USH2A: variants seen among roughly 807,000 people sequenced by gnomAD.
USH2A encodes usherin.
A neutral mutation model predicts 538.9 loss-of-function variants in USH2A; 443 were observed. The ratio of observed to expected loss-of-function variants is 0.82; its 90% confidence interval spans 0.76 to 0.89. USH2A has a LOEUF of 0.89. USH2A is among the 40% of genes least tolerant of loss of function. USH2A has a pLI of 0.00. For missense variants in USH2A, 6,633 were observed against 6,324.8 expected (o/e 1.05, Z -1.65); for synonymous variants, 2,413 against 2,273.5 (o/e 1.06, Z -1.75).
intron 38 of USH2A, among the ~76,000 whole-genome samples, chr1:215,910,354 T>C (rs1174964541): frequency 6.6e-6 from 1 of 151,950 alleles, no homozygotes; most frequent in African/African-American, 2.4e-5. Context: ...GATCTGTGTA[T>C]TGGTTAAGAG....
intron 15 of USH2A, among the ~76,000 whole-genome samples, chr1:216,209,989 A>C (rs942313997): frequency 3.3e-5 from 5 of 152,164 alleles, no homozygotes; most frequent in African/African-American, 1.2e-4. Context: ...AGCCGGCCAT[A>C]AGGAAATTCT....
chr1:216,094,807 T>C (rs1438333455), intron 22 of USH2A, among the ~76,000 whole-genome samples: 1 of 152,194 alleles, frequency 6.6e-6, no homozygotes, highest in East Asian at 1.9e-4. Context: ...CTTGTGTTTA[T>C]AACCTGGCTT....
intron 29 of USH2A, among the ~76,000 whole-genome samples, chr1:216,071,445 T>C (rs2102547327): frequency 1.3e-5 from 2 of 152,248 alleles, no homozygotes; most frequent in Admixed American, 1.3e-4. Flanking sequence ...CAGGGCAAAG[T>C]ACAGTACAGT....
intron 21 of USH2A, among the ~76,000 whole-genome samples, chr1:216,104,594 G>A (rs2032685412): frequency 6.6e-6 from 1 of 152,106 alleles, no homozygotes; most frequent in Non-Finnish European, 1.5e-5. Context: ...TAAATAAATG[G>A]TGCTGGGAAA....
At chr1:215,777,991 T>C (rs1453327823) in intron 55 of USH2A, among the ~76,000 whole-genome samples, 1 of 151,914 alleles carries the variant, frequency 6.6e-6, no homozygotes, top group East Asian at 1.9e-4. Flanking sequence ...CCACTTCAAG[T>C]AAAATAAGAT....
intron 21 of USH2A, among the ~76,000 whole-genome samples, chr1:216,125,340 C>T (rs1017572872): frequency 7.2e-5 from 11 of 152,058 alleles, no homozygotes; most frequent in African/African-American, 2.4e-5. Context: ...ATCAGTGAAT[C>T]GCTATTAGCT....
In USH2A at chr1:215,782,133, C is replaced by T; in HGVS notation, c.10649G>A (p.Ser3550Asn). 1.2e-6 allele frequency: 2 copies of T among 1,613,942 alleles called. No homozygotes were observed. The highest frequency in any genetic ancestry group is 2.2e-5 in the South Asian group (2 of 91,074). ...TTGAATTCCCTCTTTATCAGAGAAG[C>T]TCAGTGATGTTCCCCGAAAACGTTC... is the stretch of plus-strand genomic sequence containing the variant. Reference protein sequence around the residue: ...GIERFRGTSLSFSDKEGIQPF... With the variant: ...GIERFRGTSLNFSDKEGIQPF... Residue 3550 changes from serine to asparagine, a missense_variant, in exon 54 of 72, where the codon AGC (serine) becomes AAC (asparagine). Transcript: ENST00000307340.
chr1:215,927,186 T>C (rs537988731), intron 38 of USH2A, among the ~76,000 whole-genome samples: 1 of 152,268 alleles, frequency 6.6e-6, no homozygotes, highest in Non-Finnish European at 1.5e-5. Flanking sequence ...TGAAAAACTT[T>C]CAGTGAGGAC....
chr1:215,846,533 T>G (rs4143466), intron 44 of USH2A, among the ~76,000 whole-genome samples: 14,445 of 152,188 alleles, frequency 0.095, 889 homozygotes, highest in East Asian at 0.26. Context: ...TTTTTAATAA[T>G]TTGCGTTTTT....
intron 47 of USH2A, among the ~76,000 whole-genome samples, chr1:215,835,910 T>C (rs1013868450): frequency 2.6e-5 from 4 of 152,186 alleles, no homozygotes; most frequent in Admixed American, 6.5e-5. Context: ...GTTCTTGTTG[T>C]ATAATACTCT....
chr1:215,902,578 T>A (rs1430188137), intron 38 of USH2A, among the ~76,000 whole-genome samples: 1 of 152,094 alleles, frequency 6.6e-6, no homozygotes, highest in African/African-American at 2.4e-5. Flanking sequence ...CAGGTGGCCA[T>A]AAGTGCTTTG....
intron 32 of USH2A, among the ~76,000 whole-genome samples, chr1:216,020,982 G>C (rs7412389): frequency 0.61 from 93,005 of 151,850 alleles, 28,836 homozygotes; most frequent in East Asian, 0.75. Context: ...TGTGGCTAAA[G>C]TGGGGACTCA....
At chr1:216,106,790 T>C (rs1289920924) in intron 21 of USH2A, among the ~76,000 whole-genome samples, 1 of 151,922 alleles carries the variant, frequency 6.6e-6, no homozygotes, top group Admixed American at 6.6e-5. Flanking sequence ...ATTTAACCTA[T>C]ACATTTCTCT....
chr1:215,762,018 T>G (rs892919878), intron 56 of USH2A, among the ~76,000 whole-genome samples: 1 of 152,180 alleles, frequency 6.6e-6, no homozygotes, highest in Non-Finnish European at 1.5e-5. Context: ...AGCAGCATCC[T>G]GAAAGAAACA....
chr1:216,050,379 T>G (rs1188580519), intron 30 of USH2A, among the ~76,000 whole-genome samples: 8 of 151,898 alleles, frequency 5.3e-5, no homozygotes, highest in Non-Finnish European at 8.8e-5. Context: ...ACATGTGAGA[T>G]GGGGATAATA....
intron 61 of USH2A, among the ~76,000 whole-genome samples, chr1:215,694,654 G>A (rs1336949478): frequency 6.6e-6 from 1 of 152,150 alleles, no homozygotes. Context: ...AAAATGGTTT[G>A]AATTTACTCA....
At chr1:216,207,614 C>G in intron 15 of USH2A, among the ~76,000 whole-genome samples, 183 bp from the exon 16 acceptor site, 1 of 151,730 alleles carries the variant, frequency 6.6e-6, no homozygotes, top group East Asian at 1.9e-4. Flanking sequence ...AGCTTTTTAT[C>G]TATAAGCATA....
chr1:215,835,345 A>G (rs1444913697), intron 47 of USH2A, among the ~76,000 whole-genome samples: 2 of 151,822 alleles, frequency 1.3e-5, no homozygotes, highest in East Asian at 1.9e-4. Flanking sequence ...CTAGAAAACT[A>G]TGTTCAGTTT....
At chr1:215,835,326 C>T (rs1663446063) in intron 47 of USH2A, among the ~76,000 whole-genome samples, 1 of 151,648 alleles carries the variant, frequency 6.6e-6, no homozygotes, top group Non-Finnish European at 1.5e-5. Context: ...TGAGATCATT[C>T]TTTTTTTTCT....
Sources: gnomAD v4.1 joint callset for allele counts (sites outside exome capture counted in the v4.1 genomes callset) on GRCh38, gnomAD v4.1.1 for gene constraint, MANE v1.5 for transcripts, NCBI Gene and HGNC (gene_info 2026-07-23, HGNC 2026-07-21) for gene names.